The following FMN1 variants were observed in gnomAD, a reference collection of about 807,000 sequenced individuals.
FMN1 encodes the protein formin 1.
A neutral mutation model predicts 132.4 loss-of-function variants in FMN1; 110 were observed. That is an observed-to-expected ratio of 0.83 (90% CI 0.71 to 0.97). The LOEUF is 0.97. Ranked by LOEUF, FMN1 falls within the 50% of genes least tolerant of loss-of-function variation. The pLI is 0.00. For synonymous variants in FMN1, 722 were observed against 651.7 expected, an observed-to-expected ratio of 1.11 and a Z score of -1.64; for missense variants, 1,792 against 1,705.3, an observed-to-expected ratio of 1.05 and a Z score of -0.90.
intron 16 of FMN1, among the ~76,000 whole-genome samples, chr15:32,864,663 C>T: frequency 6.6e-6 from 1 of 152,150 alleles, no homozygotes; most frequent in South Asian, 2.1e-4. Flanking sequence ...ACACATGGAA[C>T]CCAGGTCAAA....
At chr15:32,958,549 T>TATACATACATAC (rs34715846) in intron 9 of FMN1, among the ~76,000 whole-genome samples, 73 of 150,664 alleles carry the variant, frequency 4.8e-4, no homozygotes, top group Middle Eastern at 3.4e-3. Context: ...TTTGAGAAGA[T>TATACATACATAC]ATACATACAT....
At chr15:32,934,425 T>C (rs1423980950) in intron 9 of FMN1, among the ~76,000 whole-genome samples, 2 of 152,162 alleles carry the variant, frequency 1.3e-5, no homozygotes, top group East Asian at 1.9e-4. Flanking sequence ...TACCTTTATC[T>C]ACAAGCTTTG....
At chr15:33,063,219 T>C (rs911772432) in intron 6 of FMN1, 1 of 152,384 alleles carries the variant, frequency 6.6e-6, no homozygotes, top group Admixed American at 6.5e-5. Context: ...GTCTGCTGAC[T>C]TCTCTTTGGG....
chr15:33,023,257 G>A (rs1174131964), intron 6 of FMN1, among the ~76,000 whole-genome samples: 1 of 124,010 alleles, frequency 8.1e-6, no homozygotes, highest in African/African-American at 2.9e-5. Context: ...AAGGGGAGGG[G>A]GAAACTTAAA....
intron 5 of FMN1, among the ~76,000 whole-genome samples, chr15:33,082,133 AAGAC>A (rs918312186): frequency 2.0e-4 from 18 of 91,678 alleles, no homozygotes; most frequent in Non-Finnish European, 3.6e-4. Context: ...GTGTGTGTGT[AAGAC>A]AGAGTCTCGC....
intron 17 of FMN1, among the ~76,000 whole-genome samples, chr15:32,849,270 C>T (rs1455757942): frequency 2.0e-5 from 3 of 151,542 alleles, no homozygotes; most frequent in Non-Finnish European, 2.9e-5. Context: ...TGATTATAGG[C>T]GTGAGCCACC....
At chr15:32,982,690 G>A (rs999746780) in intron 7 of FMN1, among the ~76,000 whole-genome samples, 4 of 152,090 alleles carry the variant, frequency 2.6e-5, no homozygotes, top group East Asian at 1.9e-4. Context: ...TCAATAGAAC[G>A]AAAAGACTGA....
intron 12 of FMN1, among the ~76,000 whole-genome samples, chr15:32,905,721 G>A (rs532265179): frequency 6.6e-6 from 1 of 152,178 alleles, no homozygotes; most frequent in Non-Finnish European, 1.5e-5. Flanking sequence ...AAACTGCAAC[G>A]TTAAAACTAT....
At chr15:33,133,743 T>C (rs1963646177) in intron 4 of FMN1, among the ~76,000 whole-genome samples, 1 of 152,174 alleles carries the variant, frequency 6.6e-6, no homozygotes, top group African/African-American at 2.4e-5. Context: ...TTATAATAAA[T>C]GTAACTAAGG....
chr15:33,083,178 C>T (rs1367619369), intron 5 of FMN1, among the ~76,000 whole-genome samples: 1 of 152,116 alleles, frequency 6.6e-6, no homozygotes, highest in East Asian at 1.9e-4. Context: ...ACTTCTAAAA[C>T]CCTCGTAACT....
chr15:32,932,440 T>C (rs1412432420), intron 9 of FMN1, among the ~76,000 whole-genome samples: 1 of 152,210 alleles, frequency 6.6e-6, no homozygotes, highest in African/African-American at 2.4e-5. Context: ...TCTATATTTG[T>C]AAGAGCTAAT....
intron 6 of FMN1, among the ~76,000 whole-genome samples, chr15:33,043,964 C>T (rs1330630373): frequency 6.6e-6 from 1 of 152,172 alleles, no homozygotes; most frequent in East Asian, 1.9e-4. Flanking sequence ...CCAGGAAGTC[C>T]CCCTTTCCCT....
intron 4 of FMN1, among the ~76,000 whole-genome samples, chr15:33,112,056 TTTTGTATC>T (rs1212977659): frequency 6.6e-6 from 1 of 152,156 alleles, no homozygotes; most frequent in East Asian, 1.9e-4. Context: ...TTAACAAAGT[TTTTGTATC>T]TTTTTACAAT....
At position 32,767,452 on chromosome 15, in the gene FMN1, C is replaced by T. The variant is rs536367058; in HGVS notation, c.*6858G>A. On this transcript the variant is annotated 3_prime_UTR_variant, in exon 21 of 21. Transcript: ENST00000616417. ...GGCATGCAGGCCAGTGCTTATTTTC[C>T]AGGCCAAAGCACGATCCCCTAAATC... 6.6e-6 allele frequency: 1 copy of T among 152,274 alleles called. No homozygotes were observed. Among genetic ancestry groups the T allele is most frequent in the African/African-American group, 2.4e-5 (1 of 41,566 alleles). The allele number at this position is 152,274 out of a possible 1,614,324, so 9.4% of individuals were successfully genotyped here.
At chr15:33,057,164 G>A (rs185663198) in intron 6 of FMN1, among the ~76,000 whole-genome samples, 56 of 152,286 alleles carry the variant, frequency 3.7e-4, no homozygotes, top group African/African-American at 1.1e-3. Context: ...GTGACAGAGC[G>A]AGACTCCATC....
At chr15:32,903,681 A>C (rs1441002885) in intron 12 of FMN1, among the ~76,000 whole-genome samples, 1 of 152,232 alleles carries the variant, frequency 6.6e-6, no homozygotes, top group South Asian at 2.1e-4. Flanking sequence ...ACTTAGATGA[A>C]AAGCAGAAAA....
chr15:33,036,383 A>G (rs530675359), intron 6 of FMN1, among the ~76,000 whole-genome samples: 2 of 152,348 alleles, frequency 1.3e-5, no homozygotes, highest in African/African-American at 2.4e-5. Flanking sequence ...ATGTAGGAAT[A>G]CCATGCTATA....
In FMN1 at chr15:32,888,961, C is replaced by T. The variant is rs111913449; in HGVS notation, c.3715-669G>A. 2.3e-3 allele frequency among the ~76,000 whole-genome samples: 341 copies of T among 151,268 alleles called. 2 individuals are homozygous for T. Among genetic ancestry groups the T allele is most frequent in the African/African-American group, 7.5e-3 (310 of 41,100 alleles). On this transcript the variant is annotated intron_variant, in intron 15 of 20. Coordinates refer to ENST00000616417, the MANE Select transcript of FMN1 (RefSeq NM_001277313.2). Reference sequence around the variant, plus strand: ...GCAGCCTTGACCTTCCAGGTCCAAGCGATCCTTCTAGTTCAGCCTATTAGC... The same window carrying T: ...GCAGCCTTGACCTTCCAGGTCCAAGTGATCCTTCTAGTTCAGCCTATTAGC...
chr15:32,832,089 A>G (rs888301316), intron 17 of FMN1, among the ~76,000 whole-genome samples: 1 of 152,218 alleles, frequency 6.6e-6, no homozygotes, highest in Non-Finnish European at 1.5e-5. Flanking sequence ...TCAGGCTTTG[A>G]ATGTTTTAAA....
Sources: allele counts gnomAD v4.1 joint callset (sites outside exome capture counted in the v4.1 genomes callset), GRCh38; gene constraint gnomAD v4.1.1; transcripts MANE v1.5; gene names NCBI Gene and HGNC (gene_info 2026-07-23, HGNC 2026-07-21).